WWC2: variants seen among roughly 807,000 people sequenced by gnomAD.
WWC2 encodes the protein protein WWC2.
A neutral mutation model predicts 138.5 loss-of-function variants in WWC2; 101 were observed. The observed-to-expected ratio is 0.73, with a 90% CI of 0.62 to 0.86. WWC2 has a LOEUF of 0.86. Ranked by LOEUF, WWC2 falls within the 40% of genes least tolerant of loss-of-function variation. WWC2 has a pLI of 0.00. For synonymous variants in WWC2, 558 were observed against 538.4 expected, an observed-to-expected ratio of 1.04 and a Z score of -0.50; for missense variants, 1,420 against 1,419.4, an observed-to-expected ratio of 1.00 and a Z score of -0.01.
chr4:183,131,537 GT>G (rs1732924117), intron 1 of WWC2, among the ~76,000 whole-genome samples: 1 of 151,980 alleles, frequency 6.6e-6, no homozygotes, highest in Non-Finnish European at 1.5e-5. Flanking sequence ...CTTCTTATTG[GT>G]TTGTTAATCT....
rs147184657 is a variant in WWC2, at chr4:183,186,199, C to T, written c.132-7400C>T. ...GACCTTGTGATCCTCCCGCCTCAGC[C>T]TCCCAAAGTGCTGGGATTATAGGCG... On this transcript the variant is annotated intron_variant, in intron 1 of 22. Coordinates refer to ENST00000403733, the MANE Select transcript of WWC2 (RefSeq NM_024949.6). Among the ~76,000 whole-genome samples, 667 of 152,282 alleles carry T rather than the reference C, an allele frequency of 4.4e-3. 4 individuals carry two copies. The highest frequency in any genetic ancestry group is 0.016 in the African/African-American group (649 of 41,548).
chr4:183,118,251 G>T (rs1247063962), intron 1 of WWC2, among the ~76,000 whole-genome samples: 1 of 152,208 alleles, frequency 6.6e-6, no homozygotes, highest in East Asian at 1.9e-4. Context: ...GGAAGTGATA[G>T]AAATTCAGAG....
chr4:183,152,670 G>T (rs535573215), intron 1 of WWC2, among the ~76,000 whole-genome samples: 22 of 151,978 alleles, frequency 1.4e-4, no homozygotes, highest in African/African-American at 5.3e-4. Context: ...GATCACCTGA[G>T]TCAGAAGTTC....
chr4:183,224,962 T>C (rs1736031537), intron 4 of WWC2, among the ~76,000 whole-genome samples: 1 of 152,228 alleles, frequency 6.6e-6, no homozygotes, highest in Non-Finnish European at 1.5e-5. Flanking sequence ...TCCACAACTT[T>C]TCCTATCTTG....
At chr4:183,184,415 A>G (rs963849968) in intron 1 of WWC2, among the ~76,000 whole-genome samples, 2 of 152,142 alleles carry the variant, frequency 1.3e-5, no homozygotes, top group African/African-American at 2.4e-5. Flanking sequence ...CCTTTTGGCT[A>G]TTATGAATAA....
chr4:183,301,478 A>C (rs925905762), intron 21 of WWC2, among the ~76,000 whole-genome samples: 5 of 152,318 alleles, frequency 3.3e-5, no homozygotes, highest in African/African-American at 1.2e-4. Flanking sequence ...GGAAAAAGAC[A>C]CTGTGTGATG....
intron 2 of WWC2, among the ~76,000 whole-genome samples, chr4:183,202,720 T>G (rs1735336258): frequency 6.6e-6 from 1 of 152,222 alleles, no homozygotes; most frequent in Non-Finnish European, 1.5e-5. Flanking sequence ...TTGTTACAGC[T>G]GACTCTATCC....
At chr4:183,187,017 T>C (rs1734826395) in intron 1 of WWC2, among the ~76,000 whole-genome samples, 1 of 151,992 alleles carries the variant, frequency 6.6e-6, no homozygotes, top group Non-Finnish European at 1.5e-5. Context: ...GGAGCAGCAG[T>C]CTCCTTCCTA....
chr4:183,237,356 A>C (rs1736459695), intron 4 of WWC2, among the ~76,000 whole-genome samples: 2 of 152,206 alleles, frequency 1.3e-5, no homozygotes, highest in Admixed American at 1.3e-4. Context: ...AAAGCACTTG[A>C]AAATGCTGTT....
intron 4 of WWC2, chr4:183,233,574 CTTTTG>C (rs1279875576): frequency 1.3e-5 from 2 of 151,950 alleles, no homozygotes; most frequent in Non-Finnish European, 2.9e-5. Flanking sequence ...TTCTCATTGG[CTTTTG>C]TTTTATTTCC....
At position 183,113,525 on chromosome 4, in the gene WWC2, T is replaced by C. The variant is rs867574867; in HGVS notation, c.131+13903T>C. Among the ~76,000 whole-genome samples, 1,291 of 135,412 alleles carry C rather than the reference T, an allele frequency of 9.5e-3. 19 individuals are homozygous for C. The highest frequency in any genetic ancestry group is 0.035 in the African/African-American group (1,194 of 34,152). 88.8% of individuals were successfully genotyped at this position (135,412 alleles called of 152,430 possible). On this transcript the variant is annotated intron_variant, in intron 1 of 22. Transcript: ENST00000403733. ...GTGTGTGTGTGTGTGTGCGCGCGCG[T>C]GCGCGCGCACATGCACGTGCATGCA...
At chr4:183,133,610 C>T (rs1579971646) in intron 1 of WWC2, among the ~76,000 whole-genome samples, 1 of 152,136 alleles carries the variant, frequency 6.6e-6, no homozygotes, top group African/African-American at 2.4e-5. Context: ...GATTCTCCTG[C>T]CTCAGCCTCC....
At chr4:183,155,734 A>G (rs1733786301) in intron 1 of WWC2, among the ~76,000 whole-genome samples, 1 of 152,176 alleles carries the variant, frequency 6.6e-6, no homozygotes, top group Non-Finnish European at 1.5e-5. Flanking sequence ...CATATACAGT[A>G]ATGCTGACTT....
intron 16 of WWC2, 84 bp from the exon 17 acceptor site, chr4:183,280,692 G>A: frequency 7.1e-7 from 1 of 1,402,724 alleles, no homozygotes; most frequent in Non-Finnish European, 9.7e-7. Flanking sequence ...TTTACAGATA[G>A]AAGTGTAAAT....
chr4:183,259,610 C>A (rs1249989031), intron 9 of WWC2, 29 bp from the exon 10 acceptor site: 1 of 1,413,202 alleles, frequency 7.1e-7, no homozygotes. Flanking sequence ...TTGTTATAAT[C>A]ATTTGAAAAT....
chr4:183,260,787 TG>T, intron 10 of WWC2, 122 bp from the exon 11 acceptor site: 1 of 1,319,762 alleles, frequency 7.6e-7, no homozygotes, highest in Non-Finnish European at 1.0e-6. Context: ...CCTCTGTCCC[TG>T]GCCATTGATT....
At chr4:183,214,859 T>G (rs569175749) in intron 4 of WWC2, among the ~76,000 whole-genome samples, 1 of 152,168 alleles carries the variant, frequency 6.6e-6, no homozygotes, top group Admixed American at 6.5e-5. Flanking sequence ...ATGAGAGATA[T>G]CCTTATTCTC....
At chr4:183,313,838 A>G (rs531684014) in intron 22 of WWC2, among the ~76,000 whole-genome samples, 2 of 150,226 alleles carry the variant, frequency 1.3e-5, no homozygotes, top group Non-Finnish European at 3.0e-5. Context: ...ACTGAAAAGT[A>G]CATCCGGGAT....
chr4:183,299,131 G>T (rs564816963), intron 21 of WWC2, among the ~76,000 whole-genome samples: 2 of 152,282 alleles, frequency 1.3e-5, no homozygotes, highest in Non-Finnish European at 1.5e-5. Flanking sequence ...GGCCCTTCTT[G>T]CTGTGTCATC....
Sources: gnomAD v4.1 joint callset for allele counts (sites outside exome capture counted in the v4.1 genomes callset) on GRCh38, gnomAD v4.1.1 for gene constraint, MANE v1.5 for transcripts, NCBI Gene and HGNC (gene_info 2026-07-23, HGNC 2026-07-21) for gene names.